Variants in MCTP1 observed in about 807,000 individuals in gnomAD.
The protein encoded by MCTP1 is multiple C2 and transmembrane domain containing 1.
Under a neutral mutation model 120.6 loss-of-function variants are expected in MCTP1, and 69 were observed. The ratio of observed to expected loss-of-function variants is 0.57; its 90% CI spans 0.47 to 0.70. The LOEUF (loss-of-function observed/expected upper bound fraction) is 0.70. MCTP1 is among the 30% of genes least tolerant of loss of function. The pLI is 0.00. For synonymous variants in MCTP1, 529 were observed against 493.1 expected, an observed-to-expected ratio of 1.07 and a Z score of -0.96; for missense variants, 1,203 against 1,248.8, an observed-to-expected ratio of 0.96 and a Z score of 0.55.
chr5:94,985,471 G>A (rs1490267504), intron 2 of MCTP1, among the ~76,000 whole-genome samples: 1 of 152,092 alleles, frequency 6.6e-6, no homozygotes, highest in Non-Finnish European at 1.5e-5. Context: ...CAAAGGCCTT[G>A]TCGAAAGAAC....
chr5:94,708,659 T>C (rs1356357956), intron 21 of MCTP1, 50 bp from the exon 22 acceptor site: 2 of 1,223,762 alleles, frequency 1.6e-6, no homozygotes, highest in Non-Finnish European at 2.4e-6. Flanking sequence ...AAAAGTGTTG[T>C]AGTAATTTGA....
chr5:95,208,645 C>A (rs1751954521), intron 1 of MCTP1, among the ~76,000 whole-genome samples: 1 of 151,834 alleles, frequency 6.6e-6, no homozygotes, highest in African/African-American at 2.4e-5. Flanking sequence ...TCAACCCATG[C>A]CTCTATAATG....
intron 2 of MCTP1, among the ~76,000 whole-genome samples, chr5:95,016,328 T>TA (rs1443493032): frequency 6.6e-6 from 1 of 152,132 alleles, no homozygotes; most frequent in Non-Finnish European, 1.5e-5. Flanking sequence ...GAATGTTTGA[T>TA]ATTTGCTAGT....
chr5:94,813,957 T>C (rs1369367883), intron 17 of MCTP1, among the ~76,000 whole-genome samples: 1 of 152,144 alleles, frequency 6.6e-6, no homozygotes, highest in Non-Finnish European at 1.5e-5. Flanking sequence ...AGTGTATGAT[T>C]CCATTTATAT....
At chr5:94,900,064 C>A (rs1489312079) in intron 10 of MCTP1, among the ~76,000 whole-genome samples, 2 of 152,208 alleles carry the variant, frequency 1.3e-5, no homozygotes, top group Non-Finnish European at 2.9e-5. Context: ...AGCTAGTCAA[C>A]AGTACCCTCC....
chr5:94,778,951 C>T (rs1776007319), intron 19 of MCTP1, among the ~76,000 whole-genome samples, 159 bp downstream of exon 19: 1 of 152,170 alleles, frequency 6.6e-6, no homozygotes, highest in African/African-American at 2.4e-5. Flanking sequence ...GCCTTCTCTC[C>T]CTCTTTGCAA....
chr5:94,749,621 C>T (rs1160220877), intron 19 of MCTP1, among the ~76,000 whole-genome samples: 2 of 128,112 alleles, frequency 1.6e-5, no homozygotes, highest in Admixed American at 9.4e-5. Flanking sequence ...TGCCACTGCA[C>T]TCCAGCCTGG....
chr5:95,265,936 C>T (rs995407271), intron 1 of MCTP1, among the ~76,000 whole-genome samples: 3 of 152,144 alleles, frequency 2.0e-5, no homozygotes, highest in Non-Finnish European at 4.4e-5. Flanking sequence ...AAAGGAATCT[C>T]GCTTCTGAAA....
intron 1 of MCTP1, among the ~76,000 whole-genome samples, chr5:95,031,580 A>G (rs547276215): frequency 6.6e-6 from 1 of 152,332 alleles, no homozygotes; most frequent in South Asian, 2.1e-4. Context: ...TTTCCAGATG[A>G]GCAAACACTA....
At chr5:95,095,186 GC>G (rs777991681) in intron 1 of MCTP1, among the ~76,000 whole-genome samples, 1 of 150,840 alleles carries the variant, frequency 6.6e-6, no homozygotes, top group Non-Finnish European at 1.5e-5. Flanking sequence ...ACCACGCCCG[GC>G]TAATTTTTTG....
intron 1 of MCTP1, among the ~76,000 whole-genome samples, chr5:95,127,244 G>GAA (rs11435217): frequency 2.0e-4 from 29 of 146,194 alleles, no homozygotes; most frequent in South Asian, 4.3e-4. Flanking sequence ...GCCATCAAAT[G>GAA]AAAAAAAAAA....
chr5:95,062,462 G>A (rs1460125792), intron 1 of MCTP1, among the ~76,000 whole-genome samples: 2 of 152,148 alleles, frequency 1.3e-5, no homozygotes, highest in South Asian at 2.1e-4. Flanking sequence ...AGGCTATAAG[G>A]AAAAGAGCTT....
At chr5:94,817,875 G>A (rs1031510043) in intron 17 of MCTP1, among the ~76,000 whole-genome samples, 1 of 151,846 alleles carries the variant, frequency 6.6e-6, no homozygotes, top group African/African-American at 2.4e-5. Context: ...GATTTTCCTT[G>A]GGGAAACCCT....
At chr5:94,707,927 G>C (rs570404245) in intron 22 of MCTP1, among the ~76,000 whole-genome samples, 5 of 150,924 alleles carry the variant, frequency 3.3e-5, no homozygotes, top group Non-Finnish European at 4.4e-5. Flanking sequence ...CCACTGTCAT[G>C]TCATAGCAAA....
At chr5:94,851,379 A>T (rs1204179043) in intron 17 of MCTP1, among the ~76,000 whole-genome samples, 1 of 152,040 alleles carries the variant, frequency 6.6e-6, no homozygotes, top group Admixed American at 6.6e-5. Flanking sequence ...GGCCAACACA[A>T]CATCTGAAAA....
Position 94,974,898 on chromosome 5 carries a change from C to G in MCTP1, c.839-21537G>C, listed in dbSNP as rs541842318. ...GTGATTAAAATACATCACAAATGAC[C>G]ATGGTAATGAAATAATACATTTCTT... On this transcript the variant is annotated intron_variant, in intron 2 of 22. Coordinates refer to ENST00000515393, the MANE Select transcript of MCTP1 (RefSeq NM_024717.7). Among the ~76,000 whole-genome samples, 18 of 152,176 alleles carry G rather than the reference C, an allele frequency of 1.2e-4. No homozygotes were observed. In the East Asian group the frequency reaches 3.5e-3, roughly 29 times the overall value.
At chr5:95,252,155 G>C (rs1269148560) in intron 1 of MCTP1, among the ~76,000 whole-genome samples, 1 of 152,138 alleles carries the variant, frequency 6.6e-6, no homozygotes, top group Non-Finnish European at 1.5e-5. Flanking sequence ...AAGGGGACTT[G>C]ACAGCACCAT....
At chr5:95,186,147 GA>G (rs2152523545) in intron 1 of MCTP1, among the ~76,000 whole-genome samples, 1 of 150,968 alleles carries the variant, frequency 6.6e-6, no homozygotes, top group African/African-American at 2.4e-5. Context: ...TCTAGCCACT[GA>G]AATAAGGCAA....
intron 1 of MCTP1, among the ~76,000 whole-genome samples, chr5:95,077,752 G>A (rs573606264): frequency 1.1e-4 from 16 of 152,138 alleles, no homozygotes; most frequent in Non-Finnish European, 1.6e-4. Context: ...GATTACAGGC[G>A]TGAGCCACTG....
Sources: gnomAD v4.1 joint callset for allele counts (sites outside exome capture counted in the v4.1 genomes callset) on GRCh38, gnomAD v4.1.1 for gene constraint, MANE v1.5 for transcripts, NCBI Gene and HGNC (gene_info 2026-07-23, HGNC 2026-07-21) for gene names.